Variants in STX18 observed in about 807,000 individuals in gnomAD.
STX18 encodes syntaxin-18.
STX18 carries 40 observed loss-of-function variants against 50.1 expected under a neutral mutation model. The ratio of observed to expected loss-of-function variants is 0.80; its 90% CI spans 0.62 to 1.04. The LOEUF is 1.04. Ranked by LOEUF, STX18 falls within the 50% of genes least tolerant of loss-of-function variation. The pLI is 0.00. For synonymous variants in STX18, 158 were observed against 151.8 expected, an observed-to-expected ratio of 1.04 and a Z score of -0.30; for missense variants, 410 against 415.8, an observed-to-expected ratio of 0.99 and a Z score of 0.12.
At chr4:4,536,608 A>C (rs913727730) in intron 1 of STX18, among the ~76,000 whole-genome samples, 1 of 152,196 alleles carries the variant, frequency 6.6e-6, no homozygotes, top group African/African-American at 2.4e-5. Context: ...CATGTGAGAA[A>C]ATGAAAGAGG....
intron 3 of STX18, among the ~76,000 whole-genome samples, chr4:4,458,691 A>T (rs1727208778): frequency 2.0e-5 from 3 of 152,232 alleles, no homozygotes; most frequent in Non-Finnish European, 4.4e-5. Flanking sequence ...CTCTTGTGCC[A>T]GACACAGTTC....
At chr4:4,456,437 G>A (rs576691303) in intron 5 of STX18, among the ~76,000 whole-genome samples, 28 of 152,312 alleles carry the variant, frequency 1.8e-4, no homozygotes, top group African/African-American at 6.5e-4. Context: ...CAGCGGGAAC[G>A]ACTGTGAGGA....
At chr4:4,542,154 G>A (rs1028426030), upstream of STX18, 23 of 682,036 alleles carry the variant, frequency 3.4e-5, no homozygotes, top group African/African-American at 2.5e-4. Flanking sequence ...GCCTCAGCCG[G>A]CGCACCTGGC....
At chr4:4,528,854 C>G (rs1030446900) in intron 1 of STX18, among the ~76,000 whole-genome samples, 3 of 146,262 alleles carry the variant, frequency 2.1e-5, no homozygotes, top group Non-Finnish European at 1.5e-5. Flanking sequence ...TTCTAAAAAG[C>G]CATCTCAGCT....
At chr4:4,430,906 T>C (rs1206263342) in intron 7 of STX18, among the ~76,000 whole-genome samples, 1 of 152,216 alleles carries the variant, frequency 6.6e-6, no homozygotes, top group Admixed American at 6.5e-5. Flanking sequence ...GTAAGTGGTA[T>C]AAATTCATAG....
chr4:4,526,254 T>C (rs1024273927), intron 1 of STX18, among the ~76,000 whole-genome samples: 1 of 152,156 alleles, frequency 6.6e-6, no homozygotes, highest in African/African-American at 2.4e-5. Context: ...TGAACTCCTA[T>C]GGTAGCAGCA....
chr4:4,424,381 G>A (rs926383955), intron 8 of STX18, among the ~76,000 whole-genome samples: 3 of 152,106 alleles, frequency 2.0e-5, no homozygotes, highest in African/African-American at 7.2e-5. Context: ...ACAGTGGCAG[G>A]GGGCAGGGGA....
At chr4:4,439,351 C>CAT (rs1395675697) in intron 5 of STX18, among the ~76,000 whole-genome samples, 5 of 142,966 alleles carry the variant, frequency 3.5e-5, no homozygotes, top group Admixed American at 1.4e-4. Context: ...ACATATACTA[C>CAT]ATATATATAC....
At chr4:4,532,941 T>C (rs1731168118) in intron 1 of STX18, among the ~76,000 whole-genome samples, 2 of 152,146 alleles carry the variant, frequency 1.3e-5, no homozygotes, top group Admixed American at 6.5e-5. Flanking sequence ...TGGAAGTGTC[T>C]CTCTCTTGGT....
At chr4:4,426,644 C>G (rs192883615) in intron 7 of STX18, 1 of 152,548 alleles carries the variant, frequency 6.6e-6, no homozygotes, top group Admixed American at 6.5e-5. Context: ...TTCACACACA[C>G]GCCCCTTCCT....
At position 4,419,244 on chromosome 4, in the gene STX18, T is replaced by C. The variant is rs1724782000; in HGVS notation, c.*790A>G. 6.6e-6 allele frequency: 1 copy of C among 152,246 alleles called. No individual in the cohort carries two copies. Among genetic ancestry groups the C allele is most frequent in the African/African-American group, 2.4e-5 (1 of 41,466 alleles). 9.4% of individuals were successfully genotyped at this position (152,246 alleles called of 1,614,324 possible). On this transcript the variant is annotated 3_prime_UTR_variant, in exon 11 of 11. Coordinates refer to ENST00000306200, the MANE Select transcript of STX18 (RefSeq NM_016930.4). ...CACAGGCACGAGAGAAGCAGGCCCG[T>C]TCTTCCGTGGCCCACTTCTTCCTTT...
Position 4,477,057 on chromosome 4 carries a change from A to C in STX18, c.169-5351T>G, listed in dbSNP as rs112744681. Reference sequence around the variant, plus strand: ...TCTATTAAAAATACAATTAAAAAAAACCAAAAAACCAAAACAACAAAACAA... The same window carrying C: ...TCTATTAAAAATACAATTAAAAAAACCCAAAAAACCAAAACAACAAAACAA... On this transcript the variant is annotated intron_variant, in intron 1 of 10. Coordinates refer to ENST00000306200, the MANE Select transcript of STX18 (RefSeq NM_016930.4). Among the ~76,000 whole-genome samples the C allele has an allele frequency of 4.2e-3, 632 of 152,054 alleles. 2 individuals carry two copies. The highest frequency in any genetic ancestry group is 0.015 in the African/African-American group (602 of 41,482).
intron 1 of STX18, among the ~76,000 whole-genome samples, chr4:4,535,000 A>G (rs1731266246): frequency 6.6e-6 from 1 of 152,164 alleles, no homozygotes; most frequent in Non-Finnish European, 1.5e-5. Context: ...TCCTCCAGAA[A>G]AGGGCTCTAG....
chr4:4,532,495 C>T (rs898967451), intron 1 of STX18, among the ~76,000 whole-genome samples: 1 of 152,032 alleles, frequency 6.6e-6, no homozygotes, highest in Non-Finnish European at 1.5e-5. Context: ...CTCACTCTTT[C>T]AGAGACTCAG....
intron 2 of STX18, among the ~76,000 whole-genome samples, chr4:4,460,620 G>C (rs1248012304): frequency 6.6e-6 from 1 of 152,142 alleles, no homozygotes; most frequent in African/African-American, 2.4e-5. Context: ...TATTTTCTAA[G>C]GAAGAGTTGG....
intron 1 of STX18, among the ~76,000 whole-genome samples, chr4:4,541,419 G>T (rs1731587679): frequency 6.6e-6 from 1 of 152,192 alleles, no homozygotes; most frequent in South Asian, 2.1e-4. Flanking sequence ...CAAATATGGT[G>T]TGGTCAGTGC....
intron 7 of STX18, 181 bp from the exon 8 acceptor site, chr4:4,425,403 GAA>G: frequency 1.6e-6 from 1 of 617,702 alleles, no homozygotes; most frequent in Non-Finnish European, 2.9e-6. Context: ...GCTTTCAGGA[GAA>G]AGTTTTAAAA....
At chr4:4,496,946 T>C (rs975358283) in intron 1 of STX18, among the ~76,000 whole-genome samples, 4 of 152,194 alleles carry the variant, frequency 2.6e-5, no homozygotes, top group African/African-American at 9.7e-5. Context: ...CAGGACAAAC[T>C]AGCCTGCATC....
intron 1 of STX18, among the ~76,000 whole-genome samples, chr4:4,494,136 T>G (rs760976606): frequency 6.6e-6 from 1 of 152,180 alleles, no homozygotes; most frequent in Non-Finnish European, 1.5e-5. Context: ...ATGAGCACAC[T>G]GAAGTGATAG....
Sources: gnomAD v4.1 joint callset for allele counts (sites outside exome capture counted in the v4.1 genomes callset) on GRCh38, gnomAD v4.1.1 for gene constraint, MANE v1.5 for transcripts, NCBI Gene and HGNC (gene_info 2026-07-23, HGNC 2026-07-21) for gene names.